Variants in MARCHF1 observed in about 807,000 individuals in gnomAD.
The protein encoded by MARCHF1 is membrane associated ring-CH-type finger 1, also known as E3 ubiquitin-protein ligase MARCHF1.
MARCHF1 carries 40 observed loss-of-function variants against 54.2 expected under a neutral mutation model. The ratio of observed to expected loss-of-function variants is 0.74; its 90% confidence interval spans 0.57 to 0.96. MARCHF1 has a LOEUF of 0.96. Ranked by LOEUF, MARCHF1 falls within the 40% of genes least tolerant of loss-of-function variation. The pLI is 0.00. For synonymous variants in MARCHF1, 236 were observed against 236.3 expected (o/e 1.00, Z 0.01); for missense variants, 586 against 656.5 (o/e 0.89, Z 1.17).
rs753544221 is a variant in MARCHF1, at chr4:163,922,743, A to G, written c.-39+65758T>C. On this transcript the variant is annotated intron_variant, in intron 3 of 9. Coordinates refer to ENST00000514618, the MANE Select transcript of MARCHF1 (RefSeq NM_001394959.1). ...ACTAAAAGCAACTAATTCTCCCTTA[A>G]ATGCTAAATGACACACATCAATAGA... 7.2e-5 allele frequency among the ~76,000 whole-genome samples: 11 copies of G among 151,918 alleles called. 1 individual carries two copies. The South Asian group carries it at 1.2e-3, about 17-fold the overall frequency.
intron 8 of MARCHF1, among the ~76,000 whole-genome samples, chr4:163,557,686 A>G (rs752591600): frequency 3.3e-5 from 5 of 152,172 alleles, no homozygotes; most frequent in Non-Finnish European, 5.9e-5. Context: ...TTGGAAACCT[A>G]ATAAAAATGG....
intron 3 of MARCHF1, among the ~76,000 whole-genome samples, chr4:163,950,045 C>A (rs1381276533): frequency 2.0e-5 from 3 of 152,168 alleles, no homozygotes. Context: ...TGGGCGGGCC[C>A]AGGAAAAGCA....
At chr4:164,366,408 T>C (rs919852208) in intron 1 of MARCHF1, among the ~76,000 whole-genome samples, 3 of 152,016 alleles carry the variant, frequency 2.0e-5, no homozygotes, top group African/African-American at 7.2e-5. Flanking sequence ...TATAATCTTT[T>C]ATAAAATTAA....
chr4:164,152,122 G>A (rs999264103), intron 1 of MARCHF1, among the ~76,000 whole-genome samples: 3 of 152,034 alleles, frequency 2.0e-5, no homozygotes, highest in East Asian at 1.9e-4. Context: ...AATGGGGGAC[G>A]ATAGAAAATA....
intron 2 of MARCHF1, among the ~76,000 whole-genome samples, chr4:164,052,306 T>G (rs941608862): frequency 6.6e-6 from 1 of 151,738 alleles, no homozygotes; most frequent in African/African-American, 2.4e-5. Flanking sequence ...GTGAGGTGGG[T>G]GGATCAATTG....
At chr4:163,551,190 A>G (rs1203721824) in intron 8 of MARCHF1, among the ~76,000 whole-genome samples, 3 of 152,218 alleles carry the variant, frequency 2.0e-5, no homozygotes, top group Non-Finnish European at 4.4e-5. Context: ...TTTGAACTGA[A>G]ATGATTCAGA....
At chr4:164,070,590 C>T (rs1276753729) in intron 2 of MARCHF1, among the ~76,000 whole-genome samples, 2 of 152,090 alleles carry the variant, frequency 1.3e-5, no homozygotes, top group Non-Finnish European at 2.9e-5. Context: ...TTCTCCTTTC[C>T]CTCTGAAAAG....
chr4:164,075,505 C>G (rs535499109), intron 2 of MARCHF1, among the ~76,000 whole-genome samples: 113 of 152,308 alleles, frequency 7.4e-4, no homozygotes, highest in Non-Finnish European at 9.4e-4. Flanking sequence ...AGAGCCAGAT[C>G]AGCATCATGT....
chr4:163,869,475 C>T (rs1273584764), intron 3 of MARCHF1, among the ~76,000 whole-genome samples: 1 of 152,094 alleles, frequency 6.6e-6, no homozygotes, highest in African/African-American at 2.4e-5. Context: ...AATTCCAGAA[C>T]AGGTGTAAAA....
At chr4:164,016,578 G>A (rs911036551) in intron 2 of MARCHF1, among the ~76,000 whole-genome samples, 4 of 152,120 alleles carry the variant, frequency 2.6e-5, no homozygotes, top group Admixed American at 1.3e-4. Flanking sequence ...AATATCACAC[G>A]TGTTCACTAA....
chr4:163,610,197 A>G (rs939842005), intron 7 of MARCHF1, among the ~76,000 whole-genome samples: 2 of 151,790 alleles, frequency 1.3e-5, no homozygotes, highest in Non-Finnish European at 2.9e-5. Context: ...GTACTATCTT[A>G]TATGCTTTTT....
intron 1 of MARCHF1, among the ~76,000 whole-genome samples, chr4:164,128,372 C>T (rs1310257019): frequency 6.6e-6 from 1 of 151,638 alleles, no homozygotes; most frequent in Non-Finnish European, 1.5e-5. Context: ...AAAGATAAAA[C>T]TGAAAAGCTC....
chr4:163,861,493 C>T (rs1461560983), intron 3 of MARCHF1, among the ~76,000 whole-genome samples: 3 of 152,030 alleles, frequency 2.0e-5, no homozygotes, highest in Admixed American at 6.6e-5. Context: ...ATACTTTTAA[C>T]AGCATCAAAT....
At chr4:163,752,620 T>C (rs1288232906) in intron 4 of MARCHF1, among the ~76,000 whole-genome samples, 3 of 152,184 alleles carry the variant, frequency 2.0e-5, no homozygotes, top group South Asian at 4.1e-4. Context: ...ATAACCAACA[T>C]AGGATTAGTA....
chr4:163,541,703 A>C (rs558239331), intron 9 of MARCHF1, among the ~76,000 whole-genome samples: 2 of 152,296 alleles, frequency 1.3e-5, no homozygotes, highest in South Asian at 4.1e-4. Flanking sequence ...TGGCTGAAAA[A>C]GGACAAATTT....
intron 2 of MARCHF1, among the ~76,000 whole-genome samples, chr4:164,088,660 C>A (rs536824708): frequency 3.9e-5 from 6 of 152,196 alleles, no homozygotes; most frequent in Admixed American, 3.9e-4. Context: ...ATCACCTGAG[C>A]CCCAGGAGGC....
chr4:163,804,746 T>C (rs1748178332), intron 4 of MARCHF1, among the ~76,000 whole-genome samples: 1 of 152,190 alleles, frequency 6.6e-6, no homozygotes, highest in South Asian at 2.1e-4. Context: ...AAATGCCTAC[T>C]AGTGGGTGCA....
At chr4:164,240,365 A>G (rs1256585272) in intron 1 of MARCHF1, among the ~76,000 whole-genome samples, 1 of 152,148 alleles carries the variant, frequency 6.6e-6, no homozygotes, top group East Asian at 1.9e-4. Context: ...TCTTTTAGAG[A>G]TTGCTTTCTG....
At chr4:164,106,527 A>G (rs1423394952) in intron 2 of MARCHF1, among the ~76,000 whole-genome samples, 2 of 136,600 alleles carry the variant, frequency 1.5e-5, no homozygotes, top group African/African-American at 5.9e-5. Flanking sequence ...CAAAAAACCA[A>G]ACACCGCATA....
Sources: allele counts gnomAD v4.1 joint callset (sites outside exome capture counted in the v4.1 genomes callset), GRCh38; gene constraint gnomAD v4.1.1; transcripts MANE v1.5; gene names NCBI Gene and HGNC (gene_info 2026-07-23, HGNC 2026-07-21).